Variants in ZNF44 observed in about 807,000 individuals in gnomAD.
ZNF44 encodes zinc finger protein 44, also known as gonadotropin inducible transcription repressor-2.
ZNF44 carries 9 observed loss-of-function variants against 11.7 expected under a neutral mutation model. The ratio of observed to expected loss-of-function variants is 0.77; its 90% CI spans 0.46 to 1.35. The LOEUF (loss-of-function observed/expected upper bound fraction) is 1.35, where lower values mean the gene tolerates loss of function less well. Among genes scored for constraint, ZNF44 ranks in the 40% most tolerant of loss-of-function variants. The pLI, the probability that ZNF44 is intolerant of heterozygous loss-of-function variation, is 0.00. For missense variants in ZNF44, 696 were observed against 743.1 expected (o/e 0.94, Z 0.74); for synonymous variants, 224 against 242.7 (o/e 0.92, Z 0.72).
At chr19:12,233,550 C>CAAAAAAAAAAAAAAAAAA (rs58060175) in intron 2 of ZNF44, among the ~76,000 whole-genome samples, 1 of 80,852 alleles carries the variant, frequency 1.2e-5, no homozygotes, top group Non-Finnish European at 2.6e-5. Flanking sequence ...ACCCATACAT[C>CAAAAAAAAAAAAAAAAAA]AAAAAAAAAA....
downstream of ZNF44, among the ~76,000 whole-genome samples, chr19:12,244,014 C>A (rs562861245): frequency 8.6e-5 from 13 of 151,944 alleles, no homozygotes; most frequent in Non-Finnish European, 1.2e-4. Context: ...GTTTTTACCC[C>A]TTGCAGAAAC....
intron 1 of ZNF44, among the ~76,000 whole-genome samples, chr19:12,288,794 A>ATATATATATATG (rs1203846533): frequency 2.2e-5 from 3 of 134,676 alleles, no homozygotes; most frequent in Middle Eastern, 3.6e-3. Flanking sequence ...ATATATATAT[A>ATATATATATATG]TATATATATA....
At chr19:12,251,978 G>A (rs1346991694) in intron 5 of ZNF44, among the ~76,000 whole-genome samples, 1 of 151,240 alleles carries the variant, frequency 6.6e-6, no homozygotes, top group Admixed American at 6.6e-5. Flanking sequence ...TTGAACCTGG[G>A]AGACAGAGGT....
In ZNF44 at chr19:12,294,752, G is replaced by A; in HGVS notation, c.-58C>T. 6.5e-7 allele frequency: 1 copy of A among 1,536,888 alleles called. No individual in the cohort carries two copies. The highest frequency in any genetic ancestry group is 2.0e-5 in the Admixed American group (1 of 49,436). ...ACTCCCGTAGTCAGGGTAGGTCCCA[G>A]CGCGACAAAAGCCACCACAGATGTC... On this transcript the variant is annotated 5_prime_UTR_variant, in exon 1 of 4. Transcript: ENST00000355684.
At chr19:12,250,893 G>A (rs549642142) in intron 5 of ZNF44, 4 of 442,852 alleles carry the variant, frequency 9.0e-6, no homozygotes, top group East Asian at 7.0e-5. Flanking sequence ...TAGGATATTC[G>A]AGGTAGTCAG....
In ZNF44 at chr19:12,273,236, T is replaced by C; in HGVS notation, c.1019A>G (p.Lys340Arg). 6.2e-7 allele frequency: 1 copy of C among 1,614,038 alleles called. No homozygotes were observed. The highest frequency in any genetic ancestry group is 8.5e-7 in the Non-Finnish European group (1 of 1,179,998). ...MHSGDGPHKC[K>R]ICGKGFDFPG... ...AAAATCAAAGCCTTTCCCACATATC[T>C]TACATTTATGAGGTCCATCTCCACT... The change falls in exon 4 of 4, where the codon AAG becomes AGG. Residue 340 changes from lysine (K) to arginine (R), a missense_variant. Lys to Arg is a conservative substitution (Grantham distance 26). Coordinates refer to ENST00000355684, the MANE Select transcript of ZNF44 (RefSeq NM_016264.4).
downstream of ZNF44, among the ~76,000 whole-genome samples, chr19:12,270,034 AG>A (rs980117755): frequency 3.3e-5 from 5 of 152,192 alleles, no homozygotes; most frequent in African/African-American, 1.2e-4. Flanking sequence ...CAGTTTTAAT[AG>A]ATTTCCAGTT....
At chr19:12,293,282 G>T (rs989052992) in intron 1 of ZNF44, 2 of 1,536,948 alleles carry the variant, frequency 1.3e-6, no homozygotes, top group African/African-American at 1.4e-5. Flanking sequence ...CCTCTGGGAA[G>T]AGTGACCCAA....
At chr19:12,247,580 G>GT, downstream of ZNF44, 4 of 1,338,072 alleles carry the variant, frequency 3.0e-6, no homozygotes, top group Non-Finnish European at 4.0e-6. Context: ...CAAGAGTAAT[G>GT]TATGTTTTCC....
At chr19:12,235,268 C>CT (rs1916337670) in intron 1 of ZNF44, among the ~76,000 whole-genome samples, 1 of 152,128 alleles carries the variant, frequency 6.6e-6, no homozygotes, top group South Asian at 2.1e-4. Flanking sequence ...ACTCGGGAGG[C>CT]TGAGGCAGGA....
At chr19:12,233,760 T>C (rs1182920567) in intron 2 of ZNF44, among the ~76,000 whole-genome samples, 2 of 152,082 alleles carry the variant, frequency 1.3e-5, no homozygotes, top group Admixed American at 6.6e-5. Flanking sequence ...ATGTAATGAC[T>C]ACTGTAAAAA....
At chr19:12,275,620 T>G (rs1391698828) in intron 2 of ZNF44, among the ~76,000 whole-genome samples, 1 of 152,040 alleles carries the variant, frequency 6.6e-6, no homozygotes, top group Non-Finnish European at 1.5e-5. Flanking sequence ...CACTCCAGCC[T>G]GGGCGACAGA....
chr19:12,292,481 A>C (rs1234858566), intron 1 of ZNF44, among the ~76,000 whole-genome samples: 1 of 152,098 alleles, frequency 6.6e-6, no homozygotes, highest in Non-Finnish European at 1.5e-5. Context: ...TAACTGAACA[A>C]ATCTTTTCAG....
downstream of ZNF44, among the ~76,000 whole-genome samples, chr19:12,244,015 T>G (rs908984090): frequency 6.6e-6 from 1 of 152,138 alleles, no homozygotes; most frequent in Non-Finnish European, 1.5e-5. Context: ...TTTTTACCCC[T>G]TGCAGAAACC....
In ZNF44 at chr19:12,272,386, G is replaced by C. The variant is rs1025121435; in HGVS notation, c.*21C>G. On this transcript the variant is annotated 3_prime_UTR_variant, in exon 4 of 4. Transcript: ENST00000355684. The stretch of plus-strand genomic sequence containing the variant: ...TCTGAATGTGATAAAACCAATGAAT[G>C]CTTTCCCACATTCCATACACTTATA... The C allele has an allele frequency of 1.1e-5, 16 of 1,502,118 alleles. No individual in the cohort carries two copies. In the African/African-American group the frequency reaches 2.1e-4, roughly 20 times the overall value. The allele number at this position is 1,502,118 out of a possible 1,614,324, so 93.0% of individuals were successfully genotyped here.
intron 1 of ZNF44, chr19:12,237,309 C>T (rs1375931346): frequency 6.5e-6 from 1 of 152,892 alleles, no homozygotes; most frequent in Non-Finnish European, 1.5e-5. Context: ...GGCCCAGCCC[C>T]ACCCTGTGGC....
At chr19:12,226,399 T>C (rs942101306) in exon 4 of ZNF44, 2 of 152,204 alleles carry the variant, frequency 1.3e-5, no homozygotes, top group African/African-American at 4.8e-5. Flanking sequence ...GTACAGGGAC[T>C]GTACATGAAA....
At chr19:12,252,128 G>A (rs1917032420) in intron 5 of ZNF44, among the ~76,000 whole-genome samples, 1 of 151,432 alleles carries the variant, frequency 6.6e-6, no homozygotes, top group Non-Finnish European at 1.5e-5. Flanking sequence ...ATTTTCACAT[G>A]ATTATAAAAT....
downstream of ZNF44, among the ~76,000 whole-genome samples, chr19:12,246,854 A>G (rs764380239): frequency 3.3e-5 from 5 of 150,454 alleles, no homozygotes; most frequent in Non-Finnish European, 5.9e-5. Flanking sequence ...GGCAAGACCC[A>G]TCTCAAAAAA....
Sources: gnomAD v4.1 joint callset for allele counts (sites outside exome capture counted in the v4.1 genomes callset) on GRCh38, gnomAD v4.1.1 for gene constraint, MANE v1.5 for transcripts, NCBI Gene and HGNC (gene_info 2026-07-23, HGNC 2026-07-21) for gene names.